Variants in KNDC1 observed in about 807,000 individuals in gnomAD.
KNDC1 encodes kinase non-catalytic C-lobe domain containing 1.
Under a neutral mutation model 172.8 loss-of-function variants are expected in KNDC1, and 106 were observed. That is an observed-to-expected ratio of 0.61 (90% CI 0.52 to 0.72). The LOEUF (loss-of-function observed/expected upper bound fraction) is 0.72, where lower values mean the gene tolerates loss of function less well. KNDC1 is among the 30% of genes least tolerant of loss of function. The pLI is 0.00. For synonymous variants in KNDC1, 1,083 were observed against 1,062.2 expected, an observed-to-expected ratio of 1.02 and a Z score of -0.38; for missense variants, 2,325 against 2,394.5, an observed-to-expected ratio of 0.97 and a Z score of 0.61.
At chr10:133,214,309 GA>G (rs1845434085) in intron 26 of KNDC1, among the ~76,000 whole-genome samples, 187 bp downstream of exon 26, 1 of 152,188 alleles carries the variant, frequency 6.6e-6, no homozygotes, top group Non-Finnish European at 1.5e-5. Flanking sequence ...ACATCAGGAG[GA>G]GGGGGGTCAG....
chr10:133,221,841 GGGT>G (rs1845595908), intron 29 of KNDC1, among the ~76,000 whole-genome samples: 1 of 89,632 alleles, frequency 1.1e-5, no homozygotes, highest in Non-Finnish European at 2.4e-5. Context: ...AGGCCGGGCT[GGGT>G]GCAGCCACTC....
At chr10:133,184,060 C>A in intron 5 of KNDC1, 71 bp downstream of exon 5, 2 of 884,846 alleles carry the variant, frequency 2.3e-6, no homozygotes, top group East Asian at 2.5e-5. Context: ...CACACGTGCA[C>A]ATGCTGCAAA....
chr10:133,202,242 C>T (rs886203838), intron 17 of KNDC1: 5 of 595,588 alleles, frequency 8.4e-6, no homozygotes, highest in South Asian at 7.6e-5. Context: ...GTGGGGCAGG[C>T]ACAGCCTCCG....
chr10:133,218,485 C>T (rs1845513842), intron 26 of KNDC1, among the ~76,000 whole-genome samples: 1 of 151,950 alleles, frequency 6.6e-6, no homozygotes, highest in Admixed American at 6.6e-5. Context: ...CGACAGCGGC[C>T]TCTCCCTGGG....
At chr10:133,197,273 A>T in intron 11 of KNDC1, 138 bp downstream of exon 11, 1 of 692,862 alleles carries the variant, frequency 1.4e-6, no homozygotes, top group South Asian at 1.7e-5. Context: ...GGGTGGGTGC[A>T]TCTGGGGGTG....
At chr10:133,165,320 C>T (rs1020305911) in intron 1 of KNDC1, among the ~76,000 whole-genome samples, 3 of 152,230 alleles carry the variant, frequency 2.0e-5, no homozygotes, top group Non-Finnish European at 4.4e-5. Context: ...ATCTCCCCTC[C>T]AGGTCTGAGC....
At chr10:133,172,194 C>T (rs1308094019) in intron 3 of KNDC1, among the ~76,000 whole-genome samples, 3 of 152,176 alleles carry the variant, frequency 2.0e-5, no homozygotes, top group Non-Finnish European at 4.4e-5. Context: ...CCCCCATCCC[C>T]CATTCTAAAA....
chr10:133,213,002 C>A, intron 24 of KNDC1, 80 bp downstream of exon 24: 1 of 1,262,850 alleles, frequency 7.9e-7, no homozygotes, highest in Non-Finnish European at 1.1e-6. Context: ...GGGCCCTCAG[C>A]GGCTGCTTCC....
intron 9 of KNDC1, among the ~76,000 whole-genome samples, chr10:133,193,071 G>C (rs1854102551): frequency 6.7e-6 from 1 of 149,894 alleles, no homozygotes; most frequent in Non-Finnish European, 1.5e-5. Context: ...CAAAAAGAGA[G>C]AGAAACAGCA....
chr10:133,186,213 C>A lies in KNDC1; in HGVS notation c.865C>A (p.Leu289Ile). 6.3e-7 allele frequency: 1 copy of A among 1,577,112 alleles called. No individual in the cohort carries two copies. The highest frequency in any genetic ancestry group is 1.2e-5 in the South Asian group (1 of 85,924). ...AGLVLDAERT[L>I]GELDRDALRR... The stretch of plus-strand genomic sequence containing the variant: ...CCTCGTCCTGGATGCCGAGCGCACC[C>A]TCGGGGAGCTGGACAGAGACGCCCT... Residue 289 changes from leucine to isoleucine, a missense_variant, in exon 6 of 30, where the codon CTC (leucine) becomes ATC (isoleucine). Physicochemically the swap from Leu to Ile is conservative, Grantham distance 5 (BLOSUM62 2). Coordinates refer to ENST00000304613, the MANE Select transcript of KNDC1 (RefSeq NM_152643.8).
chr10:133,188,974 G>T (rs1379502791), intron 7 of KNDC1, among the ~76,000 whole-genome samples: 4 of 152,138 alleles, frequency 2.6e-5, no homozygotes, highest in Non-Finnish European at 5.9e-5. Flanking sequence ...TGACTGTGCC[G>T]TAAAGAGGAA....
At position 133,211,587 on chromosome 10, in the gene KNDC1, C is replaced by A; in HGVS notation, c.4056+18C>A. 1.2e-6 allele frequency: 2 copies of A among 1,609,052 alleles called. No homozygotes were observed. Among genetic ancestry groups the A allele is most frequent in the Non-Finnish European group, 1.7e-6 (2 of 1,176,540 alleles). ...CCTCCAAGGTGACAGTGGCGCTGAGCTGGGCGGCCGCACCCGGGGCTCCCA... is the reference window on the plus strand; with the variant it reads ...CCTCCAAGGTGACAGTGGCGCTGAGATGGGCGGCCGCACCCGGGGCTCCCA... On this transcript the variant is annotated intron_variant, in intron 22 of 29. Coordinates refer to ENST00000304613, the MANE Select transcript of KNDC1 (RefSeq NM_152643.8).
intron 3 of KNDC1, among the ~76,000 whole-genome samples, chr10:133,177,594 CAT>C (rs1382201037): frequency 6.6e-6 from 1 of 151,394 alleles, no homozygotes; most frequent in African/African-American, 2.4e-5. Flanking sequence ...GTATCGGGCA[CAT>C]GTGCATAATG....
intron 3 of KNDC1, among the ~76,000 whole-genome samples, chr10:133,170,216 A>G (rs1467291674): frequency 6.6e-6 from 1 of 152,142 alleles, no homozygotes; most frequent in Non-Finnish European, 1.5e-5. Flanking sequence ...AGGTTTCTCT[A>G]GGGTGCATGC....
intron 26 of KNDC1, 27 bp from the exon 27 acceptor site, chr10:133,218,804 G>T: frequency 6.2e-7 from 1 of 1,605,444 alleles, no homozygotes; most frequent in Non-Finnish European, 8.5e-7. Flanking sequence ...ACCAGAAGAC[G>T]CTGAATGTGT....
intron 29 of KNDC1, among the ~76,000 whole-genome samples, chr10:133,223,995 G>A (rs1488761919): frequency 2.3e-5 from 3 of 129,442 alleles, no homozygotes; most frequent in African/African-American, 8.8e-5. Flanking sequence ...GTGTGTGTGT[G>A]AGAGAGCCCA....
intron 26 of KNDC1, among the ~76,000 whole-genome samples, chr10:133,216,653 C>T (rs774777573): frequency 2.0e-5 from 3 of 151,902 alleles, no homozygotes; most frequent in Non-Finnish European, 2.9e-5. Context: ...GCCTAGACGA[C>T]GGTGCGAGAC....
chr10:133,195,952 A>G (rs1210213814), intron 10 of KNDC1, 131 bp downstream of exon 10: 19 of 949,248 alleles, frequency 2.0e-5, no homozygotes, highest in Non-Finnish European at 2.8e-5. Flanking sequence ...GTCTGTTTCT[A>G]GGTCCCTGTT....
chr10:133,218,091 C>G (rs9418947), intron 26 of KNDC1, among the ~76,000 whole-genome samples: 76,965 of 149,954 alleles, frequency 0.51, 19,867 homozygotes, highest in East Asian at 0.66. Context: ...CGATCCGGGG[C>G]ATGGCGTCCA....
Sources: allele counts gnomAD v4.1 joint callset (sites outside exome capture counted in the v4.1 genomes callset), GRCh38; gene constraint gnomAD v4.1.1; transcripts MANE v1.5; gene names NCBI Gene and HGNC (gene_info 2026-07-23, HGNC 2026-07-21).